Variants in ARID2 observed in about 807,000 individuals in gnomAD.
ARID2 encodes AT-rich interactive domain-containing protein 2.
ARID2 carries 32 observed loss-of-function variants against 184.6 expected under a neutral mutation model. That is an observed-to-expected ratio of 0.17 (90% CI 0.13 to 0.23). ARID2 has a LOEUF of 0.23. Ranked by LOEUF, ARID2 falls within the 10% of genes least tolerant of loss-of-function variation. ARID2 has a pLI of 1.00. For synonymous variants in ARID2, 836 were observed against 772.6 expected, an observed-to-expected ratio of 1.08 and a Z score of -1.36; for missense variants, 1,696 against 2,197.6, an observed-to-expected ratio of 0.77 and a Z score of 4.56.
intron 11 of ARID2, among the ~76,000 whole-genome samples, chr12:45,844,090 G>A (rs1943400513): frequency 6.6e-6 from 1 of 151,992 alleles, no homozygotes; most frequent in African/African-American, 2.4e-5. Flanking sequence ...TGCAGTGCAG[G>A]GGCGCCATCA....
intron 3 of ARID2, among the ~76,000 whole-genome samples, chr12:45,756,369 C>CT (rs1941572649): frequency 6.6e-6 from 1 of 152,004 alleles, no homozygotes; most frequent in Non-Finnish European, 1.5e-5. Flanking sequence ...TCTGGAAGGG[C>CT]TTTTTTGTTA....
At position 45,811,393 on chromosome 12, in the gene ARID2, T is replaced by G. The variant is rs777429678; in HGVS notation, c.285-25T>G. 9 of 1,601,478 alleles carry G rather than the reference T, an allele frequency of 5.6e-6. No individual in the cohort carries two copies. In the African/African-American group the frequency reaches 1.1e-4, roughly 19 times the overall value. ...AAGATATAAATCTATTTTTAAATGTTTGCTGTGCTGTTTTTCTGTTTCAGT... is the reference window on the plus strand; with the variant it reads ...AAGATATAAATCTATTTTTAAATGTGTGCTGTGCTGTTTTTCTGTTTCAGT... On this transcript the variant is annotated intron_variant, in intron 3 of 20. Coordinates refer to ENST00000334344, the MANE Select transcript of ARID2 (RefSeq NM_152641.4).
intron 3 of ARID2, among the ~76,000 whole-genome samples, chr12:45,747,039 G>A (rs1941373899): frequency 6.6e-6 from 1 of 152,222 alleles, no homozygotes; most frequent in African/African-American, 2.4e-5. Flanking sequence ...AAAGTGTTGG[G>A]ATTACAGGCG....
At position 45,850,701 on chromosome 12, in the gene ARID2, A is replaced by G. The variant is rs1471193056; in HGVS notation, c.2578A>G (p.Asn860Asp). 2 of 1,614,140 alleles carry G rather than the reference A, an allele frequency of 1.2e-6. No homozygotes were observed. The highest frequency in any genetic ancestry group is 8.5e-7 in the Non-Finnish European group (1 of 1,179,986). ...ACAGTATGTAACAACTTCTGCATCC[A>G]ATATTGTCTCAGCAACTTCAGTACA... ...PPQYVTTSAS[N>D]IVSATSVQNF... is the part of the protein sequence containing the mutation. The change falls in exon 15 of 21, where the codon AAT becomes GAT. Residue 860 changes from asparagine to aspartate, a missense_variant. Coordinates refer to ENST00000334344, the MANE Select transcript of ARID2 (RefSeq NM_152641.4).
At chr12:45,888,548 G>A (rs1342836997) in intron 16 of ARID2, among the ~76,000 whole-genome samples, 6 of 152,282 alleles carry the variant, frequency 3.9e-5, no homozygotes, top group African/African-American at 1.4e-4. Context: ...AACAAGATGG[G>A]CAGGTGAAGA....
At chr12:45,857,413 T>C (rs1224413723) in intron 15 of ARID2, among the ~76,000 whole-genome samples, 1 of 152,194 alleles carries the variant, frequency 6.6e-6, no homozygotes, top group Non-Finnish European at 1.5e-5. Context: ...CTAAGAGTAC[T>C]GCCACTCAGA....
Position 45,837,703 on chromosome 12 carries a change from C to T in ARID2, c.1326C>T (p.Ser442=), listed in dbSNP as rs1943246263. ...ACTKIAKVEK[S]IDMLVCLVSM... ...CAAAAATTGCAAAAGTAGAAAAGAG[C>T]ATAGGTAAGACTGGACCAAAAAACA... is the stretch of plus-strand genomic sequence containing the variant. The change falls in exon 10 of 21, where the codon AGC becomes AGT. Residue 442 remains serine (S), a synonymous_variant. Coordinates refer to ENST00000334344, the MANE Select transcript of ARID2 (RefSeq NM_152641.4). 1 of 1,613,032 alleles carries T rather than the reference C, an allele frequency of 6.2e-7. No homozygotes were observed. The highest frequency in any genetic ancestry group is 2.2e-5 in the East Asian group (1 of 44,822).
Position 45,850,141 on chromosome 12 carries a change from G to T in ARID2, c.2018G>T (p.Gly673Val), listed in dbSNP as rs2138159321. 6.2e-7 allele frequency: 1 copy of T among 1,613,982 alleles called. No homozygotes were observed. Among genetic ancestry groups the T allele is most frequent in the Non-Finnish European group, 8.5e-7 (1 of 1,179,964 alleles). Residue 673 changes from glycine to valine, a missense_variant, in exon 15 of 21, where the codon GGT becomes GTT. Gly to Val is a moderately radical substitution (Grantham distance 109). Around this residue, in one of 11 missense-constraint regions of ARID2, gnomAD observed 713 missense variants for 824.4 expected, o/e 0.86. Transcript: ENST00000334344. ...TATQMSFPVQ[G>V]VHTVAQTVSR... ...ACACAAATGTCTTTTCCTGTACAAG[G>T]TGTTCATACTGTGGCACAAACTGTT... is the stretch of plus-strand genomic sequence containing the variant.
chr12:45,829,817 T>TTA (rs1943077188), intron 6 of ARID2, among the ~76,000 whole-genome samples: 5 of 148,946 alleles, frequency 3.4e-5, no homozygotes, highest in African/African-American at 1.2e-4. Context: ...TTTTTTTTTT[T>TTA]AATCAATTTC....
rs143772788 is a variant in ARID2, at chr12:45,786,525, G to A, written c.285-24893G>A. On this transcript the variant is annotated intron_variant, in intron 3 of 20. Transcript: ENST00000334344. ...CAAGTTTGGAGAGTAGTTGTGTAAG[G>A]AAAGGACCTCTTTTGAAAGGGAGAA... Among the ~76,000 whole-genome samples, 55 of 152,270 alleles carry A rather than the reference G, an allele frequency of 3.6e-4. No homozygotes were observed. In the East Asian group the frequency reaches 9.3e-3, roughly 26 times the overall value.
intron 20 of ARID2, among the ~76,000 whole-genome samples, chr12:45,896,521 G>A (rs918100951): frequency 2.0e-5 from 3 of 152,166 alleles, no homozygotes; most frequent in East Asian, 3.9e-4. Context: ...AAGGGAGTGT[G>A]CCTGCAAAAG....
intron 3 of ARID2, among the ~76,000 whole-genome samples, chr12:45,746,000 T>C (rs753106402): frequency 6.6e-6 from 1 of 152,120 alleles, no homozygotes; most frequent in Admixed American, 6.5e-5. Flanking sequence ...TTTTTTTTTT[T>C]AAATAACCAA....
At chr12:45,903,734 GT>G (rs1164620114) in intron 20 of ARID2, among the ~76,000 whole-genome samples, 1 of 151,874 alleles carries the variant, frequency 6.6e-6, no homozygotes, top group Non-Finnish European at 1.5e-5. Flanking sequence ...TTTCTACAGT[GT>G]TTTTTAATTC....
At chr12:45,864,742 A>G (rs1245153263) in intron 16 of ARID2, among the ~76,000 whole-genome samples, 1 of 152,188 alleles carries the variant, frequency 6.6e-6, no homozygotes, top group East Asian at 1.9e-4. Context: ...TTTTTGTGAT[A>G]TAAACAGCCT....
chr12:45,794,184 T>G (rs1254638157), intron 3 of ARID2, among the ~76,000 whole-genome samples: 1 of 152,210 alleles, frequency 6.6e-6, no homozygotes, highest in African/African-American at 2.4e-5. Context: ...ATGCCTTTTC[T>G]CTCTTAACTA....
intron 3 of ARID2, among the ~76,000 whole-genome samples, chr12:45,734,904 T>C (rs1339763884): frequency 1.3e-5 from 2 of 152,194 alleles, no homozygotes; most frequent in African/African-American, 4.8e-5. Context: ...TAACTTGATG[T>C]TTCCTTTATA....
chr12:45,747,049 G>A (rs1226177852), intron 3 of ARID2, among the ~76,000 whole-genome samples: 8 of 152,168 alleles, frequency 5.3e-5, no homozygotes, highest in East Asian at 3.9e-4. Context: ...GATTACAGGC[G>A]TGAGCCACCG....
chr12:45,852,286 G>A lies in ARID2; in HGVS notation c.4163G>A (p.Gly1388Asp), dbSNP rs752626586. ...NHKTSNHVGN[G>D]EISPMEPQGT... ...AAAACTTCCAATCATGTAGGAAATGGTGAGATATCTCCAATGGAACCACAA... is the reference window on the plus strand; with the variant it reads ...AAAACTTCCAATCATGTAGGAAATGATGAGATATCTCCAATGGAACCACAA... The change falls in exon 15 of 21, where the codon GGT (glycine) becomes GAT (aspartate). Residue 1388 changes from glycine to aspartate, a missense_variant. Gly to Asp is a moderately conservative substitution (Grantham distance 94). Transcript: ENST00000334344. 4 of 1,614,084 alleles carry A rather than the reference G, an allele frequency of 2.5e-6. No homozygotes were observed. The Admixed American group carries it at 6.7e-5, about 27-fold the overall frequency.
intron 15 of ARID2, 115 bp from the exon 16 acceptor site, chr12:45,860,686 T>G (rs1395351215): frequency 1.1e-6 from 1 of 941,946 alleles, no homozygotes; most frequent in Non-Finnish European, 1.4e-6. Context: ...AATTATAAAA[T>G]GTAAATTTTA....
Sources: gnomAD v4.1 joint callset for allele counts (sites outside exome capture counted in the v4.1 genomes callset) on GRCh38, gnomAD v4.1.1 for gene constraint, gnomAD v4.1.1 regional missense constraint, MANE v1.5 for transcripts, NCBI Gene and HGNC (gene_info 2026-07-23, HGNC 2026-07-21) for gene names.